Variants in SLC7A2 observed in about 807,000 individuals in gnomAD.
SLC7A2 encodes the protein cationic amino acid transporter 2.
In SLC7A2, 48 loss-of-function variants were observed where a neutral mutation model predicts 58.9. The observed-to-expected ratio is 0.82, with a 90% CI of 0.65 to 1.04. The LOEUF is 1.04. SLC7A2 is among the 50% of genes least tolerant of loss of function. The pLI is 0.00. For missense variants in SLC7A2, 1,029 were observed against 818.8 expected (o/e 1.26, Z -3.13); for synonymous variants, 363 against 314.5 (o/e 1.15, Z -1.63).
In SLC7A2 at chr8:17,560,420, C is replaced by G; in HGVS notation, c.1391C>G (p.Ser464Cys). 1 of 1,614,000 alleles carries G rather than the reference C, an allele frequency of 6.2e-7. No individual in the cohort carries two copies. Among genetic ancestry groups the G allele is most frequent in the Non-Finnish European group, 8.5e-7 (1 of 1,179,864 alleles). ...CCCAGGGTAACCTCGAAGAGTGAGTCCCAGGTCACCATGCTGCAGAGACAG... is the reference window on the plus strand; with the variant it reads ...CCCAGGGTAACCTCGAAGAGTGAGTGCCAGGTCACCATGCTGCAGAGACAG... The part of the protein sequence containing the change: ...SSPRVTSKSE[S>C]QVTMLQRQGF... The change falls in exon 10 of 13, where the codon TCC becomes TGC. Residue 464 changes from serine to cysteine, a missense_variant. By Grantham distance (112) the Ser-to-Cys change is moderately radical (BLOSUM62 -1). Transcript: ENST00000494857.
chr8:17,558,454 G>C (rs1802812946), intron 9 of SLC7A2, 57 bp downstream of exon 9: 1 of 1,121,574 alleles, frequency 8.9e-7, no homozygotes, highest in Non-Finnish European at 1.3e-6. Flanking sequence ...CTGGGAGTGA[G>C]AAAATGAGCC....
chr8:17,504,522 G>C (rs1376279002), intron 2 of SLC7A2, among the ~76,000 whole-genome samples: 2 of 152,156 alleles, frequency 1.3e-5, no homozygotes, highest in African/African-American at 4.8e-5. Context: ...CATTTTGAGT[G>C]ACCAAAGTAA....
chr8:17,543,189 AACACACAC>A (rs112878892), intron 2 of SLC7A2, 121 bp from the exon 3 acceptor site: 44 of 673,384 alleles, frequency 6.5e-5, no homozygotes, highest in African/African-American at 9.2e-5. Context: ...TAACAAGTGA[AACACACAC>A]ACACACACAC....
At chr8:17,512,512 GC>G (rs1296391416) in intron 2 of SLC7A2, among the ~76,000 whole-genome samples, 3 of 152,030 alleles carry the variant, frequency 2.0e-5, no homozygotes, top group Admixed American at 6.6e-5. Context: ...GTGCTACTGC[GC>G]TCCAGCCTAG....
In SLC7A2 at chr8:17,509,794, G is replaced by C. The variant is rs550589833; in HGVS notation, c.-23+7492G>C. ...TTATTTGCTGAATGGAATCTTCCAC[G>C]TCTCTAAAGACATGATATGCAGTAT... On this transcript the variant is annotated intron_variant, in intron 2 of 12. Transcript: ENST00000494857. 2.8e-4 allele frequency among the ~76,000 whole-genome samples: 43 copies of C among 152,154 alleles called. No homozygotes were observed. In the Middle Eastern group the frequency reaches 0.01, roughly 36 times the overall value.
chr8:17,495,250 A>T (rs975284624), upstream of SLC7A2, among the ~76,000 whole-genome samples: 1 of 151,728 alleles, frequency 6.6e-6, no homozygotes. Flanking sequence ...AGGAATCTCT[A>T]TTTTTTTTAA....
chr8:17,497,524 C>T (rs1203324407), intron 1 of SLC7A2, among the ~76,000 whole-genome samples: 1 of 152,208 alleles, frequency 6.6e-6, no homozygotes, highest in African/African-American at 2.4e-5. Context: ...CCTGTGCAGC[C>T]GGCTCTGCCC....
chr8:17,567,260 A>C lies in SLC7A2; in HGVS notation c.*2114A>C, dbSNP rs1803307621. 6.6e-6 allele frequency: 1 copy of C among 152,476 alleles called. No individual in the cohort carries two copies. Among genetic ancestry groups the C allele is most frequent in the Non-Finnish European group, 1.5e-5 (1 of 68,034 alleles). The allele number at this position is 152,476 out of a possible 1,614,324, so 9.4% of individuals were successfully genotyped here. The stretch of plus-strand genomic sequence containing the variant: ...TGAAAACCCGTTTGATTCTATACCC[A>C]ATCAAGAATAGACCCTTCACACAGG... On this transcript the variant is annotated 3_prime_UTR_variant, in exon 13 of 13. Transcript: ENST00000494857.
chr8:17,530,673 A>G lies in SLC7A2; in HGVS notation c.-22-12645A>G, dbSNP rs111678520. On this transcript the variant is annotated intron_variant, in intron 2 of 12. Coordinates refer to ENST00000494857, the MANE Select transcript of SLC7A2 (RefSeq NM_001370338.1). ...CTGCAACTTCTGCCTCCTAGGTTCA[A>G]GCGTTTCTCCTGCCTCAGCCTCTTG... Among the ~76,000 whole-genome samples the G allele has an allele frequency of 6.8e-3, 1,036 of 151,854 alleles. 21 individuals are homozygous for G. The highest frequency in any genetic ancestry group is 0.024 in the African/African-American group (983 of 41,396).
Position 17,554,695 on chromosome 8 carries a change from G to A in SLC7A2, c.1191G>A (p.Val397=). The A allele has an allele frequency of 6.2e-7, 1 of 1,609,808 alleles. No homozygotes were observed. The highest frequency in any genetic ancestry group is 1.1e-5 in the South Asian group (1 of 89,824). The change falls in exon 8 of 13, where the codon GTG becomes GTA. Residue 397 remains valine (V), a synonymous_variant. Coordinates refer to ENST00000494857, the MANE Select transcript of SLC7A2 (RefSeq NM_001370338.1). ...TTGCTACTTTATCATCGGGTGCAGT[G>A]GCAGGTGAGAGAGAGTTGACTTTTC... ...PIIATLSSGA[V]AALMAFLFDL...
At chr8:17,536,158 C>G (rs752789367) in intron 2 of SLC7A2, among the ~76,000 whole-genome samples, 3 of 151,820 alleles carry the variant, frequency 2.0e-5, no homozygotes, top group Non-Finnish European at 4.4e-5. Flanking sequence ...CTGTAGAGCC[C>G]TTGGTATTCC....
intron 2 of SLC7A2, among the ~76,000 whole-genome samples, chr8:17,535,748 C>A (rs545063730): frequency 6.6e-6 from 1 of 152,096 alleles, no homozygotes; most frequent in Admixed American, 6.5e-5. Flanking sequence ...ACTAAAAATA[C>A]AAAAATTAGC....
intron 7 of SLC7A2, among the ~76,000 whole-genome samples, chr8:17,552,932 CTT>C (rs547212328): frequency 6.6e-5 from 10 of 152,200 alleles, no homozygotes; most frequent in Non-Finnish European, 1.3e-4. Flanking sequence ...AAAAAGAAGT[CTT>C]TTAGTGTAAT....
intron 2 of SLC7A2, among the ~76,000 whole-genome samples, chr8:17,534,193 A>G (rs1345835494): frequency 6.6e-6 from 1 of 152,180 alleles, no homozygotes. Context: ...TAAAAAGGGC[A>G]GCAGGAACAT....
chr8:17,530,198 C>T (rs533410230), intron 2 of SLC7A2, among the ~76,000 whole-genome samples: 10 of 152,198 alleles, frequency 6.6e-5, no homozygotes, highest in African/African-American at 1.4e-4. Context: ...ATCCCCGGTC[C>T]GCCGCTGCTT....
chr8:17,526,299 A>G (rs557475794), intron 2 of SLC7A2, among the ~76,000 whole-genome samples: 5 of 152,182 alleles, frequency 3.3e-5, no homozygotes, highest in Non-Finnish European at 7.3e-5. Flanking sequence ...GAAATGGTTG[A>G]TTGGAAGCTT....
chr8:17,510,031 A>G (rs994186241), intron 2 of SLC7A2, among the ~76,000 whole-genome samples: 3 of 151,936 alleles, frequency 2.0e-5, no homozygotes, highest in Non-Finnish European at 4.4e-5. Flanking sequence ...ACCAGCCTGA[A>G]CAACATGATG....
intron 2 of SLC7A2, among the ~76,000 whole-genome samples, chr8:17,540,007 T>A (rs1305255809): frequency 2.0e-5 from 3 of 152,168 alleles, no homozygotes; most frequent in African/African-American, 7.2e-5. Context: ...ATCACTAATA[T>A]TAGACACAAA....
upstream of SLC7A2, among the ~76,000 whole-genome samples, chr8:17,495,099 T>C (rs1304979499): frequency 2.0e-5 from 3 of 152,318 alleles, no homozygotes; most frequent in East Asian, 5.8e-4. Context: ...GGGGAAATAA[T>C]TGCTTAAGTT....
Sources: gnomAD v4.1 joint callset for allele counts (sites outside exome capture counted in the v4.1 genomes callset) on GRCh38, gnomAD v4.1.1 for gene constraint, MANE v1.5 for transcripts, NCBI Gene and HGNC (gene_info 2026-07-23, HGNC 2026-07-21) for gene names.